The following CCDC77 variants were observed in gnomAD, a reference collection of about 807,000 sequenced individuals.
CCDC77 encodes the protein coiled-coil domain-containing protein 77.
In CCDC77, 56 loss-of-function variants were observed where a neutral mutation model predicts 66.8. That is an observed-to-expected ratio of 0.84 (90% confidence interval 0.68 to 1.05). The LOEUF is 1.05. CCDC77 is among the 50% of genes least tolerant of loss of function. CCDC77 has a pLI of 0.00. For synonymous variants in CCDC77, 196 were observed against 195.2 expected (o/e 1.00, Z -0.03); for missense variants, 570 against 576.8 (o/e 0.99, Z 0.12).
At chr12:412,208 T>G (rs989210350) in intron 4 of CCDC77, among the ~76,000 whole-genome samples, 3 of 152,186 alleles carry the variant, frequency 2.0e-5, no homozygotes, top group African/African-American at 7.2e-5. Flanking sequence ...ACCTAGTTCT[T>G]TCATCTCCTT....
chr12:412,994 A>G (rs1268068336), intron 4 of CCDC77, among the ~76,000 whole-genome samples: 4 of 151,370 alleles, frequency 2.6e-5, no homozygotes, highest in Admixed American at 6.6e-5. Context: ...GCTGGAGTGC[A>G]GTGGCGCGAT....
In CCDC77 at chr12:441,797, C is replaced by A. The variant is rs867440506; in HGVS notation, c.1344C>A (p.Asn448Lys). Residue 448 changes from asparagine to lysine, a missense_variant, in exon 13 of 13, where the codon AAC becomes AAA. By Grantham distance (94) the Asn-to-Lys change is moderately conservative. Transcript: ENST00000239830. ...AGGCAACAGTTAATGCCCGGGCAAA[C>A]CAGGATCTTGCCCTTCTGTGTGAGG... ...LYKATVNARA[N>K]QDLALLCEVR... The A allele has an allele frequency of 3.1e-6, 5 of 1,610,540 alleles. No homozygotes were observed. In the African/African-American group the frequency reaches 4.1e-5, roughly 13 times the overall value.
chr12:431,954 G>A lies in CCDC77; in HGVS notation c.672G>A (p.Gln224=), dbSNP rs1945660848. The A allele has an allele frequency of 6.2e-7, 1 of 1,600,164 alleles. No individual in the cohort carries two copies. The highest frequency in any genetic ancestry group is 8.6e-7 in the Non-Finnish European group (1 of 1,169,382). ...GAGACATACAGACACTCATCCTACA[G>A]GTAAAGAATGTATTTTGGCAGACCA... ...YQRDIQTLIL[Q]VEALQAQLGE... is the part of the protein sequence containing the mutation. The change falls in exon 8 of 13, where the codon CAG becomes CAA. Residue 224 remains glutamine, a splice_region_variant and synonymous_variant. Transcript: ENST00000239830.
At chr12:441,416 C>A (rs755752868) in intron 12 of CCDC77, among the ~76,000 whole-genome samples, 1 of 152,122 alleles carries the variant, frequency 6.6e-6, no homozygotes, top group Non-Finnish European at 1.5e-5. Flanking sequence ...AGGTTAGTTG[C>A]AGAAAAGAGG....
At chr12:396,476 T>G (rs1199238401) in intron 1 of CCDC77, among the ~76,000 whole-genome samples, 1 of 152,226 alleles carries the variant, frequency 6.6e-6, no homozygotes, top group African/African-American at 2.4e-5. Context: ...TATAGATGTT[T>G]TGAAGTATAC....
intron 4 of CCDC77, among the ~76,000 whole-genome samples, chr12:416,396 TATATATATATATATATATATTTC>T (rs1945280800): frequency 1.8e-5 from 1 of 55,772 alleles, no homozygotes; most frequent in African/African-American, 5.8e-5. Context: ...TATATATATA[TATATATATATATATATATATTTC>T]TTTTTTTTTT....
chr12:423,114 C>CTTTTTTTTTTTTTT (rs139334337), intron 5 of CCDC77, among the ~76,000 whole-genome samples: 3 of 74,542 alleles, frequency 4.0e-5, no homozygotes, highest in Non-Finnish European at 7.0e-5. Flanking sequence ...TCTTTTAAGC[C>CTTTTTTTTTTTTTT]TTTTTTTTTT....
chr12:427,200 A>C (rs148822755), intron 5 of CCDC77, among the ~76,000 whole-genome samples: 2 of 151,714 alleles, frequency 1.3e-5, no homozygotes, highest in Non-Finnish European at 2.9e-5. Flanking sequence ...AGCTGAGATC[A>C]TGCCATTGCA....
chr12:430,793 T>C, intron 7 of CCDC77, 57 bp downstream of exon 7: 1 of 1,420,648 alleles, frequency 7.0e-7, no homozygotes, highest in Non-Finnish European at 9.9e-7. Context: ...AAAATCACAG[T>C]GCAGGCTGGG....
chr12:390,593 A>C (rs1220975336), intron 1 of CCDC77, among the ~76,000 whole-genome samples: 1 of 152,186 alleles, frequency 6.6e-6, no homozygotes, highest in Non-Finnish European at 1.5e-5. Context: ...AGCAAGAAGG[A>C]ATTTTGCCAG....
chr12:430,624 T>C, intron 6 of CCDC77, 40 bp from the exon 7 acceptor site: 1 of 1,451,234 alleles, frequency 6.9e-7, no homozygotes, highest in Non-Finnish European at 9.7e-7. Flanking sequence ...ATATTACGTT[T>C]ATAGGAAGGC....
At chr12:440,223 T>C (rs1945834202) in intron 10 of CCDC77, among the ~76,000 whole-genome samples, 1 of 152,228 alleles carries the variant, frequency 6.6e-6, no homozygotes. Flanking sequence ...GATTTGGGTT[T>C]TTAAAAGATC....
chr12:397,546 C>T (rs946732121), upstream of CCDC77, among the ~76,000 whole-genome samples: 3 of 152,052 alleles, frequency 2.0e-5, no homozygotes, highest in Admixed American at 6.6e-5. Flanking sequence ...TTTTCGGTTT[C>T]CTGGTACATA....
At chr12:391,867 G>A (rs1024824036) in intron 1 of CCDC77, among the ~76,000 whole-genome samples, 6 of 152,194 alleles carry the variant, frequency 3.9e-5, no homozygotes, top group Non-Finnish European at 7.3e-5. Context: ...GAATAGAAGG[G>A]CAGCAAATAT....
rs773280785 is a variant in CCDC77, at chr12:441,972, C to T, written c.*52C>T. On this transcript the variant is annotated 3_prime_UTR_variant, in exon 13 of 13. Transcript: ENST00000239830. ...TTAGAAGAGGTGTGCTTCTTGAAAC[C>T]TGAGGACAAGGTCATCTGCTGCCAG... The T allele has an allele frequency of 1.3e-6, 2 of 1,594,476 alleles. No homozygotes were observed. Among genetic ancestry groups the T allele is most frequent in the Admixed American group, 3.3e-5 (2 of 59,848 alleles).
intron 7 of CCDC77, among the ~76,000 whole-genome samples, chr12:431,212 CT>C (rs61068771): frequency 0.082 from 9,444 of 115,716 alleles, 469 homozygotes; most frequent in African/African-American, 0.23. Flanking sequence ...TTGCTCAGTT[CT>C]TTTTTTTTTT....
intron 2 of CCDC77, among the ~76,000 whole-genome samples, chr12:407,172 C>T (rs1005391846): frequency 6.6e-6 from 1 of 152,038 alleles, no homozygotes; most frequent in Non-Finnish European, 1.5e-5. Flanking sequence ...GTGGACTGGA[C>T]CAGGGCAATG....
intron 5 of CCDC77, among the ~76,000 whole-genome samples, chr12:422,070 TGCTCC>T (rs1465497243): frequency 0.011 from 352 of 32,084 alleles, 36 homozygotes; most frequent in African/African-American, 0.022. Flanking sequence ...GCACCCTCCA[TGCTCC>T]ATTACAGTGC....
intron 8 of CCDC77, among the ~76,000 whole-genome samples, chr12:432,172 T>G (rs2137607138): frequency 6.6e-6 from 1 of 152,346 alleles, no homozygotes; most frequent in Non-Finnish European, 1.5e-5. Flanking sequence ...ACTCTGAACC[T>G]TCAATTCAAT....
Sources: allele counts gnomAD v4.1 joint callset (sites outside exome capture counted in the v4.1 genomes callset), GRCh38; gene constraint gnomAD v4.1.1; transcripts MANE v1.5; gene names NCBI Gene and HGNC (gene_info 2026-07-23, HGNC 2026-07-21).